The following AKAP11 variants were observed in gnomAD, a reference collection of about 807,000 sequenced individuals.
AKAP11 encodes the protein A-kinase anchor protein 11.
A neutral mutation model predicts 146.1 loss-of-function variants in AKAP11; 36 were observed. That is an observed-to-expected ratio of 0.25 (90% CI 0.19 to 0.33). AKAP11 has a LOEUF of 0.33. Ranked by LOEUF, AKAP11 falls within the 10% of genes least tolerant of loss-of-function variation. The pLI, the probability that AKAP11 is intolerant of heterozygous loss-of-function variation, is 1.00. For missense variants in AKAP11, 2,201 were observed against 2,197.0 expected (o/e 1.00, Z -0.04); for synonymous variants, 780 against 786.5 (o/e 0.99, Z 0.14).
rs781734979 is a variant in AKAP11, at chr13:42,297,030, G to A, written c.217-18G>A. 6.3e-7 allele frequency: 1 copy of A among 1,585,590 alleles called. No homozygotes were observed. The highest frequency in any genetic ancestry group is 1.2e-5 in the South Asian group (1 of 85,250). On this transcript the variant is annotated intron_variant, in intron 5 of 12. Transcript: ENST00000025301. ...GTGTTACTCTACAGTGTTACTTATTGTTATTATTTTAAATCAGGATTTAGC... is the reference window on the plus strand; with the variant it reads ...GTGTTACTCTACAGTGTTACTTATTATTATTATTTTAAATCAGGATTTAGC...
At chr13:42,276,792 G>A (rs1222920212) in intron 1 of AKAP11, among the ~76,000 whole-genome samples, 2 of 152,158 alleles carry the variant, frequency 1.3e-5, no homozygotes, top group Non-Finnish European at 2.9e-5. Flanking sequence ...TAGATCTGTT[G>A]ACTTATTTCG....
At chr13:42,313,851 A>C in intron 10 of AKAP11, 43 bp from the exon 11 acceptor site, 1 of 1,576,758 alleles carries the variant, frequency 6.3e-7, no homozygotes, top group Non-Finnish European at 8.7e-7. Context: ...ACCATTATTA[A>C]TTAAATTTTT....
chr13:42,278,479 AG>A (rs1177090571), intron 1 of AKAP11, among the ~76,000 whole-genome samples: 1 of 152,146 alleles, frequency 6.6e-6, no homozygotes, highest in Non-Finnish European at 1.5e-5. Flanking sequence ...TGTTTGTGTT[AG>A]GGTTTACAAG....
chr13:42,319,377 A>G lies in AKAP11; in HGVS notation c.*149A>G, dbSNP rs1049250783. Reference sequence around the variant, plus strand: ...TATAGCTTTCTGAGCGCTTTGTGTTATCACTCGGTGTATATAGTTCATACT... The same window carrying G: ...TATAGCTTTCTGAGCGCTTTGTGTTGTCACTCGGTGTATATAGTTCATACT... On this transcript the variant is annotated 3_prime_UTR_variant, in exon 13 of 13. Coordinates refer to ENST00000025301, the MANE Select transcript of AKAP11 (RefSeq NM_016248.4). 3.6e-5 allele frequency: 36 copies of G among 991,038 alleles called. No individual in the cohort carries two copies. The highest frequency in any genetic ancestry group is 4.6e-5 in the Non-Finnish European group (32 of 692,456). 61.4% of individuals were successfully genotyped at this position (991,038 alleles called of 1,614,324 possible).
chr13:42,280,631 A>G (rs1240226147), intron 1 of AKAP11, among the ~76,000 whole-genome samples: 1 of 152,244 alleles, frequency 6.6e-6, no homozygotes, highest in African/African-American at 2.4e-5. Context: ...CATGGAACTT[A>G]CAACAGGAGG....
At chr13:42,313,290 A>G (rs1960652117) in intron 10 of AKAP11, among the ~76,000 whole-genome samples, 160 bp downstream of exon 10, 1 of 152,194 alleles carries the variant, frequency 6.6e-6, no homozygotes, top group African/African-American at 2.4e-5. Context: ...ATCTAATGAA[A>G]AACTTCAACT....
chr13:42,314,466 A>G (rs1960719800), intron 11 of AKAP11, among the ~76,000 whole-genome samples: 1 of 128,330 alleles, frequency 7.8e-6, no homozygotes, highest in South Asian at 2.6e-4. Flanking sequence ...AAAAAAAAAA[A>G]AAAAGGAATA....
chr13:42,302,410 A>G lies in AKAP11; in HGVS notation c.3664A>G (p.Ile1222Val). The G allele has an allele frequency of 1.9e-6, 3 of 1,614,174 alleles. No individual in the cohort carries two copies. The highest frequency in any genetic ancestry group is 3.3e-5 in the Admixed American group (2 of 60,016). The change falls in exon 8 of 13, where the codon ATA (isoleucine) becomes GTA (valine). Residue 1222 changes from isoleucine (I) to valine (V), a missense_variant. Ile to Val is a conservative substitution (Grantham distance 29). This residue lies in a region of AKAP11 where 1,867 missense variants were observed against 1,833.5 expected (regional missense o/e 1.02). Transcript: ENST00000025301. The part of the protein sequence containing the change: ...EMAASHLDNK[I>V]IQEPKVKNPC... ...GGCAGCTTCCCATTTAGATAACAAA[A>G]TAATTCAAGAACCCAAGGTTAAAAA...
At chr13:42,298,332 A>C (rs766406696) in intron 6 of AKAP11, among the ~76,000 whole-genome samples, 9 of 152,124 alleles carry the variant, frequency 5.9e-5, no homozygotes, top group Non-Finnish European at 1.0e-4. Flanking sequence ...GGATAAAAGA[A>C]GATGGGAGAA....
intron 12 of AKAP11, among the ~76,000 whole-genome samples, chr13:42,317,922 ACAGG>A (rs1960899366): frequency 6.6e-6 from 1 of 152,184 alleles, no homozygotes; most frequent in Non-Finnish European, 1.5e-5. Flanking sequence ...AATCTACCTT[ACAGG>A]GGTTTATGAG....
intron 1 of AKAP11, among the ~76,000 whole-genome samples, chr13:42,273,831 A>G (rs1217856530): frequency 6.6e-6 from 1 of 152,138 alleles, no homozygotes; most frequent in Non-Finnish European, 1.5e-5. Context: ...TACTGTCTGG[A>G]AAAGGAACTC....
At chr13:42,284,391 A>G (rs1285150563) in intron 1 of AKAP11, among the ~76,000 whole-genome samples, 1 of 152,152 alleles carries the variant, frequency 6.6e-6, no homozygotes, top group Non-Finnish European at 1.5e-5. Context: ...TGGAACCCTT[A>G]TGTTGGCTTC....
Position 42,302,254 on chromosome 13 carries a change from CT to C in AKAP11, c.3511del (p.Ser1171LeufsTer17). Reference sequence around the variant, plus strand: ...GTTCATGTTGAAACTCATGCGATCTCTTTCTGAAGAAGTTGAGAGTAGTGAA... The same window carrying C: ...GTTCATGTTGAAACTCATGCGATCTCTTCTGAAGAAGTTGAGAGTAGTGAA... ...EEFMLKLMRS[L>X]SEEVESSESG... On this transcript the variant is annotated frameshift_variant, in exon 8 of 13. Coordinates refer to ENST00000025301, the MANE Select transcript of AKAP11 (RefSeq NM_016248.4). LOFTEE classifies it high-confidence loss of function. 6.2e-7 allele frequency: 1 copy of C among 1,614,162 alleles called. No homozygotes were observed. Among genetic ancestry groups the C allele is most frequent in the Non-Finnish European group, 8.5e-7 (1 of 1,180,020 alleles).
Sources: allele counts gnomAD v4.1 joint callset (sites outside exome capture counted in the v4.1 genomes callset), GRCh38; gene constraint gnomAD v4.1.1; regional missense constraint gnomAD v4.1.1; transcripts MANE v1.5; gene names NCBI Gene and HGNC (gene_info 2026-07-23, HGNC 2026-07-21).